The following XPO6 variants were observed in gnomAD, a reference collection of about 807,000 sequenced individuals.
The protein encoded by XPO6 is exportin 6.
A neutral mutation model predicts 130.0 loss-of-function variants in XPO6; 3 were observed. The ratio of observed to expected loss-of-function variants is 0.02; its 90% CI spans 0.01 to 0.06. XPO6 has a LOEUF of 0.06. Among genes scored for constraint, XPO6 ranks in the 10% least tolerant of loss-of-function variants. XPO6 has a pLI of 1.00. For missense variants in XPO6, 970 were observed against 1,393.0 expected (o/e 0.70, Z 4.83); for synonymous variants, 524 against 548.9 (o/e 0.95, Z 0.63).
intron 1 of XPO6, among the ~76,000 whole-genome samples, chr16:28,197,964 TAAAAAAAAAA>T (rs370727941): frequency 3.3e-4 from 9 of 27,622 alleles, no homozygotes; most frequent in African/African-American, 7.0e-4. Context: ...CTAAGTTTAT[TAAAAAAAAAA>T]AAAAAAAAAA....
At chr16:28,206,224 T>C (rs529403039) in intron 1 of XPO6, among the ~76,000 whole-genome samples, 1 of 151,954 alleles carries the variant, frequency 6.6e-6, no homozygotes, top group Non-Finnish European at 1.5e-5. Context: ...GTAAACTTCA[T>C]AGCAGGAAGT....
chr16:28,098,027 T>C lies in XPO6; in HGVS notation c.*511A>G, dbSNP rs1474123825. On this transcript the variant is annotated 3_prime_UTR_variant, in exon 24 of 24. Coordinates refer to ENST00000304658, the MANE Select transcript of XPO6 (RefSeq NM_015171.4). ...TATTTCTTTTCATTAAGCTTCTTAG[T>C]TTCTTAGTATCACAATGGAATGATG... The C allele has an allele frequency of 6.5e-6, 1 of 152,906 alleles. No individual in the cohort carries two copies. Among genetic ancestry groups the C allele is most frequent in the African/African-American group, 2.4e-5 (1 of 41,462 alleles). 9.5% of individuals were successfully genotyped at this position (152,906 alleles called of 1,614,324 possible).
At chr16:28,148,617 T>C (rs1000488068) in intron 8 of XPO6, among the ~76,000 whole-genome samples, 4 of 152,238 alleles carry the variant, frequency 2.6e-5, no homozygotes, top group African/African-American at 4.8e-5. Flanking sequence ...GTGATCTTCA[T>C]AAGTCTTGGA....
rs536980760 is a variant in XPO6, at chr16:28,200,935, C to G, written c.3+10431G>C. Among the ~76,000 whole-genome samples the G allele has an allele frequency of 2.0e-5, 3 of 152,192 alleles. No individual in the cohort carries two copies. The East Asian group carries it at 5.8e-4, about 29-fold the overall frequency. On this transcript the variant is annotated intron_variant, in intron 1 of 23. Transcript: ENST00000304658. ...ACAGAGTGCAATTATGAAACACAGA[C>G]CTTTTCTCTCTCTATGCCCATTTCC...
intron 1 of XPO6, among the ~76,000 whole-genome samples, chr16:28,204,768 G>A (rs570578638): frequency 3.6e-4 from 55 of 152,202 alleles, no homozygotes; most frequent in African/African-American, 1.2e-3. Context: ...GCCAAGTGAC[G>A]AAAGGCTGAA....
intron 1 of XPO6, among the ~76,000 whole-genome samples, chr16:28,195,223 T>C (rs570454298): frequency 9.2e-5 from 14 of 152,234 alleles, no homozygotes; most frequent in African/African-American, 3.1e-4. Flanking sequence ...AATACACTTT[T>C]GGTGATTTTT....
intron 1 of XPO6, among the ~76,000 whole-genome samples, chr16:28,196,620 T>C (rs2043868364): frequency 6.6e-6 from 1 of 152,150 alleles, no homozygotes; most frequent in East Asian, 1.9e-4. Flanking sequence ...CTAAATTTGA[T>C]CCCCAATGTT....
intron 2 of XPO6, among the ~76,000 whole-genome samples, chr16:28,179,634 A>G (rs1487772875): frequency 6.6e-6 from 1 of 152,208 alleles, no homozygotes; most frequent in East Asian, 1.9e-4. Flanking sequence ...CTAGAGCACT[A>G]GTGATTTACC....
intron 8 of XPO6, among the ~76,000 whole-genome samples, chr16:28,149,104 G>A (rs1245939474): frequency 2.0e-5 from 3 of 151,566 alleles, no homozygotes; most frequent in Admixed American, 6.6e-5. Context: ...AGGCTCTGTG[G>A]TCCACAGCCC....
chr16:28,206,624 T>C (rs1435208324), intron 1 of XPO6, among the ~76,000 whole-genome samples: 1 of 152,192 alleles, frequency 6.6e-6, no homozygotes. Flanking sequence ...TTCTTTATAC[T>C]ACATTAATTT....
chr16:28,109,830 T>C (rs2086875155), intron 17 of XPO6, among the ~76,000 whole-genome samples: 1 of 152,250 alleles, frequency 6.6e-6, no homozygotes, highest in Admixed American at 6.5e-5. Flanking sequence ...ATAACATTAT[T>C]GTACCAATGT....
intron 5 of XPO6, chr16:28,167,270 C>T (rs978901359): frequency 1.4e-5 from 14 of 985,334 alleles, no homozygotes; most frequent in South Asian, 4.7e-5. Context: ...GACAATGCTA[C>T]GTGCATATCC....
intron 23 of XPO6, 94 bp from the exon 24 acceptor site, chr16:28,098,733 A>T (rs1283067038): frequency 3.5e-6 from 3 of 846,380 alleles, no homozygotes; most frequent in Non-Finnish European, 5.4e-6. Flanking sequence ...TGTGCACTGA[A>T]GATAGGGGAG....
At chr16:28,175,523 C>T (rs1019008723) in intron 4 of XPO6, among the ~76,000 whole-genome samples, 45 of 152,188 alleles carry the variant, frequency 3.0e-4, no homozygotes, top group African/African-American at 1.1e-3. Context: ...TCTGCATATA[C>T]TTCCACAATA....
intron 1 of XPO6, among the ~76,000 whole-genome samples, chr16:28,204,384 T>C (rs2043997009): frequency 6.6e-6 from 1 of 151,580 alleles, no homozygotes; most frequent in Non-Finnish European, 1.5e-5. Flanking sequence ...ACTCGAGGCT[T>C]AAAGGTTTAG....
chr16:28,196,202 A>G (rs2043860245), intron 1 of XPO6, among the ~76,000 whole-genome samples: 2 of 152,152 alleles, frequency 1.3e-5, no homozygotes, highest in African/African-American at 4.8e-5. Flanking sequence ...ATCCTGGCCA[A>G]TTAAATATGC....
At chr16:28,190,476 G>A (rs2043768986) in intron 1 of XPO6, among the ~76,000 whole-genome samples, 1 of 152,034 alleles carries the variant, frequency 6.6e-6, no homozygotes, top group African/African-American at 2.4e-5. Context: ...CGCCCACCTC[G>A]GCCTCCCAAA....
intron 1 of XPO6, among the ~76,000 whole-genome samples, chr16:28,206,139 TACACACACAC>T (rs138219018): frequency 5.6e-5 from 8 of 142,734 alleles, no homozygotes; most frequent in Non-Finnish European, 1.1e-4. Context: ...TAGAAAGCAA[TACACACACAC>T]ACACACACAC....
intron 15 of XPO6, 123 bp downstream of exon 15, chr16:28,117,195 T>G: frequency 7.7e-7 from 1 of 1,299,348 alleles, no homozygotes; most frequent in African/African-American, 1.5e-5. Context: ...AACAGATGTA[T>G]AACAGCAGAA....
Sources: allele counts gnomAD v4.1 joint callset (sites outside exome capture counted in the v4.1 genomes callset), GRCh38; gene constraint gnomAD v4.1.1; transcripts MANE v1.5; gene names NCBI Gene and HGNC (gene_info 2026-07-23, HGNC 2026-07-21).